PCDHA10: variants seen among roughly 807,000 people sequenced by gnomAD.
PCDHA10 encodes the protein protocadherin alpha-10.
Under a neutral mutation model 61.2 loss-of-function variants are expected in PCDHA10, and 45 were observed. That is an observed-to-expected ratio of 0.74 (90% CI 0.58 to 0.94). PCDHA10 has a LOEUF of 0.94. PCDHA10 is among the 40% of genes least tolerant of loss of function. The pLI is 0.00. For missense variants in PCDHA10, 1,278 were observed against 1,236.2 expected, an observed-to-expected ratio of 1.03 and a Z score of -0.51; for synonymous variants, 602 against 548.8, an observed-to-expected ratio of 1.10 and a Z score of -1.35.
At chr5:140,955,438 A>C (rs975663366) in intron 1 of PCDHA10, among the ~76,000 whole-genome samples, 2 of 151,994 alleles carry the variant, frequency 1.3e-5, no homozygotes, top group African/African-American at 4.8e-5. Context: ...ATTAGGTCTG[A>C]TGGTTTTATA....
chr5:140,929,665 AGAAT>A (rs2086286980), intron 1 of PCDHA10: 2 of 332,822 alleles, frequency 6.0e-6, no homozygotes, highest in East Asian at 1.0e-4. Flanking sequence ...TTTAAAGTGA[AGAAT>A]GAAAAATATG....
At chr5:140,883,366 C>T (rs34923516) in intron 1 of PCDHA10, 1 of 1,614,174 alleles carries the variant, frequency 6.2e-7, no homozygotes, top group South Asian at 1.1e-5. Context: ...CTCAGCCTAG[C>T]GCCATTATTG....
intron 1 of PCDHA10, among the ~76,000 whole-genome samples, chr5:140,959,108 C>T (rs1299073504): frequency 1.3e-5 from 2 of 151,918 alleles, no homozygotes; most frequent in East Asian, 3.9e-4. Flanking sequence ...AGCAGGGGTC[C>T]GAAGGTGGGC....
At chr5:140,976,787 C>T (rs1460336492) in intron 1 of PCDHA10, among the ~76,000 whole-genome samples, 3 of 152,150 alleles carry the variant, frequency 2.0e-5, no homozygotes, top group Admixed American at 6.5e-5. Flanking sequence ...TATATAGCTA[C>T]GCTTTTATGA....
At chr5:140,883,890 G>T (rs2153398485) in intron 1 of PCDHA10, 1 of 1,613,462 alleles carries the variant, frequency 6.2e-7, no homozygotes, top group Non-Finnish European at 8.5e-7. Context: ...CGCGACTCTG[G>T]CGTGCCGCCT....
chr5:140,970,193 G>C (rs1243334467), intron 1 of PCDHA10, among the ~76,000 whole-genome samples: 2 of 152,166 alleles, frequency 1.3e-5, no homozygotes, highest in African/African-American at 4.8e-5. Context: ...ATTGTAAGAG[G>C]ATTTCCCTGA....
At chr5:140,867,906 T>C (rs1183238322) in intron 1 of PCDHA10, 1 of 152,148 alleles carries the variant, frequency 6.6e-6, no homozygotes, top group African/African-American at 2.4e-5. Context: ...TTACAGAAGG[T>C]ATAATTAAAA....
intron 1 of PCDHA10, among the ~76,000 whole-genome samples, chr5:140,957,038 C>A (rs534661886): frequency 2.0e-5 from 3 of 151,928 alleles, no homozygotes; most frequent in African/African-American, 7.3e-5. Context: ...TTATGGGAGT[C>A]ATATAAAATA....
At chr5:140,941,698 T>C (rs2093148440) in intron 1 of PCDHA10, among the ~76,000 whole-genome samples, 1 of 152,186 alleles carries the variant, frequency 6.6e-6, no homozygotes, top group African/African-American at 2.4e-5. Flanking sequence ...TCTTTGGGCT[T>C]AGCTTTCCTC....
At chr5:140,869,725 C>T (rs1326402140) in intron 1 of PCDHA10, 1 of 1,613,284 alleles carries the variant, frequency 6.2e-7, no homozygotes, top group Non-Finnish European at 8.5e-7. Flanking sequence ...AACTCCGGAA[C>T]TTAATTTGCT....
At chr5:140,978,486 G>T (rs1289847782) in intron 1 of PCDHA10, among the ~76,000 whole-genome samples, 1 of 152,248 alleles carries the variant, frequency 6.6e-6, no homozygotes, top group Admixed American at 6.5e-5. Flanking sequence ...AGTCTGCAAA[G>T]CCAGCAGCAG....
intron 1 of PCDHA10, chr5:140,930,104 G>T (rs532818002): frequency 6.6e-6 from 1 of 152,210 alleles, no homozygotes; most frequent in Non-Finnish European, 1.5e-5. Flanking sequence ...ACTGATAGGA[G>T]ATCATATTGT....
At chr5:140,871,273 G>T in intron 1 of PCDHA10, 3 of 1,613,916 alleles carry the variant, frequency 1.9e-6, no homozygotes, top group Non-Finnish European at 2.5e-6. Flanking sequence ...GTGGTGGTCG[G>T]CAACGCCCAC....
At position 140,856,702 on chromosome 5, in the gene PCDHA10, A is replaced by G. The variant is rs782234318; in HGVS notation, c.654A>G (p.Lys218=). The stretch of plus-strand genomic sequence containing the variant: ...TGTTGACAGCAACTGATGGAGGCAA[A>G]CCTGAATTTACCGGATCTGTTTCTC... ...KLLLTATDGG[K]PEFTGSVSLL... The change falls in exon 1 of 4, where the codon AAA becomes AAG. Residue 218 remains lysine, a synonymous_variant. Transcript: ENST00000307360. The G allele has an allele frequency of 1.7e-5, 27 of 1,596,504 alleles. 5 individuals are homozygous for G. Among genetic ancestry groups the G allele is most frequent in the Middle Eastern group, 3.3e-4 (2 of 6,020 alleles).
chr5:140,904,522 C>T (rs1241157884), intron 1 of PCDHA10, among the ~76,000 whole-genome samples: 1 of 151,956 alleles, frequency 6.6e-6, no homozygotes, highest in Admixed American at 6.6e-5. Flanking sequence ...CTGCTATAAA[C>T]TTGTGTGTTC....
Position 140,926,391 on chromosome 5 carries a change from A to T in PCDHA10, c.2389-52558A>T, listed in dbSNP as rs76822698. On this transcript the variant is annotated intron_variant, in intron 1 of 3. Coordinates refer to ENST00000307360, the MANE Select transcript of PCDHA10 (RefSeq NM_018901.4). ...AGGAAGAGCCCAGCTGGGCTCAGCCACAGTTATCAGCAATCTGCGGGCAGA... is the reference window on the plus strand; with the variant it reads ...AGGAAGAGCCCAGCTGGGCTCAGCCTCAGTTATCAGCAATCTGCGGGCAGA... 1,228 of 152,462 alleles carry T rather than the reference A, an allele frequency of 8.1e-3. 5 individuals carry two copies. The highest frequency in any genetic ancestry group is 0.019 in the African/African-American group (792 of 41,554). The allele number at this position is 152,462 out of a possible 1,614,324, so 9.4% of individuals were successfully genotyped here.
chr5:140,913,167 T>C (rs1232000053), intron 1 of PCDHA10, among the ~76,000 whole-genome samples: 1 of 152,196 alleles, frequency 6.6e-6, no homozygotes, highest in Non-Finnish European at 1.5e-5. Flanking sequence ...TTGGTATTAG[T>C]TCTTCTTTAA....
At chr5:140,959,607 C>T (rs2095500489) in intron 1 of PCDHA10, among the ~76,000 whole-genome samples, 1 of 151,986 alleles carries the variant, frequency 6.6e-6, no homozygotes, top group African/African-American at 2.4e-5. Flanking sequence ...ACATGCTTTT[C>T]TTGCTTGTGA....
At chr5:140,897,458 G>T (rs191522392) in intron 1 of PCDHA10, among the ~76,000 whole-genome samples, 1 of 151,310 alleles carries the variant, frequency 6.6e-6, no homozygotes, top group African/African-American at 2.4e-5. Flanking sequence ...TTGTCCTTGC[G>T]ATAGTTTACT....
Sources: allele counts gnomAD v4.1 joint callset (sites outside exome capture counted in the v4.1 genomes callset), GRCh38; gene constraint gnomAD v4.1.1; transcripts MANE v1.5; gene names NCBI Gene and HGNC (gene_info 2026-07-23, HGNC 2026-07-21).